Variants in GRIN1 observed in about 807,000 individuals in gnomAD.
GRIN1 encodes glutamate ionotropic receptor NMDA type subunit 1, also known as glutamate receptor ionotropic, NMDA 1.
GRIN1 carries 38 observed loss-of-function variants against 103.0 expected under a neutral mutation model. The observed-to-expected ratio is 0.37, with a 90% CI of 0.28 to 0.48. The LOEUF is 0.48. GRIN1 is among the 20% of genes least tolerant of loss of function. The pLI, the probability that GRIN1 is intolerant of heterozygous loss-of-function variation, is 0.98. For synonymous variants in GRIN1, 544 were observed against 532.7 expected, an observed-to-expected ratio of 1.02 and a Z score of -0.29; for missense variants, 577 against 1,288.9, an observed-to-expected ratio of 0.45 and a Z score of 8.46.
chr9:137,140,060 G>A (rs1425979090), intron 1 of GRIN1, among the ~76,000 whole-genome samples: 1 of 152,162 alleles, frequency 6.6e-6, no homozygotes, highest in African/African-American at 2.4e-5. Context: ...TTCCGGGTAA[G>A]AGAGTAGAAG....
chr9:137,144,560 C>G (rs1322362658), intron 2 of GRIN1, among the ~76,000 whole-genome samples: 2 of 151,398 alleles, frequency 1.3e-5, no homozygotes, highest in African/African-American at 4.9e-5. Context: ...GAGGCTGAGG[C>G]AGGAGAATGG....
intron 2 of GRIN1, among the ~76,000 whole-genome samples, chr9:137,142,883 G>A (rs1040006023): frequency 6.6e-6 from 1 of 152,218 alleles, no homozygotes; most frequent in African/African-American, 2.4e-5. Context: ...AGACCCTCCT[G>A]GCCCACAGGC....
rs1803713194 is a variant in GRIN1 at position 137,168,437 on chromosome 9, CCCT to C, written c.*915_*917del. The C allele has an allele frequency of 5.3e-6, 1 of 187,446 alleles. No homozygotes were observed. Among genetic ancestry groups the C allele is most frequent in the African/African-American group, 2.4e-5 (1 of 42,266 alleles). 11.6% of individuals were successfully genotyped at this position (187,446 alleles called of 1,614,324 possible). On this transcript the variant is annotated 3_prime_UTR_variant, in exon 20 of 20. Coordinates refer to ENST00000371561, the MANE Select transcript of GRIN1 (RefSeq NM_007327.4). The stretch of plus-strand genomic sequence containing the variant: ...TCCTCCAGACTCGAGAGGGCTGAGC[CCCT>C]CCTCTCCTCGTCCGGCCTGCAGCCC...
chr9:137,156,715 A>G lies in GRIN1; in HGVS notation c.718A>G (p.Met240Val). The G allele has an allele frequency of 6.3e-7, 1 of 1,594,144 alleles. No homozygotes were observed. The highest frequency in any genetic ancestry group is 8.5e-7 in the Non-Finnish European group (1 of 1,171,386). ...ATACCGCGCAGCCGCGATGCTGAAC[A>G]TGACGGGCTCCGGGTACGTGTGGCT... ...TVYRAAAMLN[M>V]TGSGYVWLVG... The change falls in exon 5 of 20, where the codon ATG (methionine) becomes GTG (valine). Residue 240 changes from methionine to valine, a missense_variant. Coordinates refer to ENST00000371561, the MANE Select transcript of GRIN1 (RefSeq NM_007327.4).
intron 6 of GRIN1, 54 bp downstream of exon 6, chr9:137,157,091 G>A: frequency 6.8e-7 from 1 of 1,471,198 alleles, no homozygotes; most frequent in Non-Finnish European, 9.3e-7. Context: ...AGGTGGGCGG[G>A]GTCACTCCAG....
rs1183383915 is a variant in GRIN1, at chr9:137,156,754, G to A, written c.757G>A (p.Glu253Lys). 1.3e-6 allele frequency: 2 copies of A among 1,587,818 alleles called. No homozygotes were observed. The highest frequency in any genetic ancestry group is 2.3e-5 in the East Asian group (1 of 43,164). Reference sequence around the variant, plus strand: ...GTACGTGTGGCTGGTCGGCGAGCGCGAGATCTCGGGGAACGCCCTGCGCTA... The same window carrying A: ...GTACGTGTGGCTGGTCGGCGAGCGCAAGATCTCGGGGAACGCCCTGCGCTA... Reference protein sequence around the residue: ...SGYVWLVGEREISGNALRYAP... With the variant: ...SGYVWLVGERKISGNALRYAP... The change falls in exon 5 of 20, where the codon GAG becomes AAG. Residue 253 changes from glutamate (E) to lysine (K), a missense_variant. Around this residue, in one of 9 missense-constraint regions of GRIN1, gnomAD observed 308 missense variants for 553.6 expected, o/e 0.56. Coordinates refer to ENST00000371561, the MANE Select transcript of GRIN1 (RefSeq NM_007327.4).
rs772767449 is a variant in GRIN1, at chr9:137,162,572, G to GC, written c.1865-13dup. On this transcript the variant is annotated intron_variant, in intron 13 of 19. Coordinates refer to ENST00000371561, the MANE Select transcript of GRIN1 (RefSeq NM_007327.4). ...CCTCGGCCCTCTAGGGTCTGACAGAGCCCCCCGCCCGCCCACAGGCGCCCC... is the reference window on the plus strand; with the variant it reads ...CCTCGGCCCTCTAGGGTCTGACAGAGCCCCCCCGCCCGCCCACAGGCGCCCC... 1.9e-6 allele frequency: 3 copies of GC among 1,611,210 alleles called. No individual in the cohort carries two copies. Among genetic ancestry groups the GC allele is most frequent in the Admixed American group, 1.7e-5 (1 of 59,930 alleles).
At chr9:137,163,713 G>A (rs1464506485) in intron 17 of GRIN1, 45 bp downstream of exon 17, 1 of 1,613,376 alleles carries the variant, frequency 6.2e-7, no homozygotes, top group Admixed American at 1.7e-5. Context: ...TCCGTGGGCT[G>A]CGGCCTCCCT....
At position 137,161,172 on chromosome 9, in the gene GRIN1, G is replaced by C; in HGVS notation, c.1314G>C (p.Gly438=). 1 of 1,611,832 alleles carries C rather than the reference G, an allele frequency of 6.2e-7. No individual in the cohort carries two copies. Among genetic ancestry groups the C allele is most frequent in the South Asian group, 1.1e-5 (1 of 91,032 alleles). ...CAGTCAAGAAGGTGATCTGCACCGG[G>C]CCCAACGACACGTCGCCGGGCAGCC... ...GDPVKKVICT[G]PNDTSPGSPR... Residue 438 remains glycine, a synonymous_variant, in exon 9 of 20, where the codon GGG becomes GGC. Coordinates refer to ENST00000371561, the MANE Select transcript of GRIN1 (RefSeq NM_007327.4).
chr9:137,158,297 G>T (rs2081017921), intron 6 of GRIN1, 82 bp from the exon 7 acceptor site: 3 of 1,472,150 alleles, frequency 2.0e-6, no homozygotes. Flanking sequence ...GAAGGAGCAG[G>T]GAGAAGCAGC....
chr9:137,142,366 T>G (rs546309527), intron 2 of GRIN1, among the ~76,000 whole-genome samples: 1 of 152,180 alleles, frequency 6.6e-6, no homozygotes, highest in African/African-American at 2.4e-5. Flanking sequence ...ACACACACAA[T>G]ACACACTCTC....
In GRIN1 at chr9:137,139,527, C is replaced by T; in HGVS notation, c.41C>T (p.Ser14Phe). ...MRLLTLALLF[S>F]CSVARAACDP... ...CTGCTGACGCTCGCCCTGCTGTTCT[C>T]CTGCTCCGTCGCCCGTGCCGCGTGC... The change falls in exon 1 of 20, where the codon TCC becomes TTC. Residue 14 changes from serine to phenylalanine, a missense_variant. Coordinates refer to ENST00000371561, the MANE Select transcript of GRIN1 (RefSeq NM_007327.4). This position sits in a 1 kb window ranked among gnomAD's most constrained non-coding sequence, Gnocchi z 7.7. 1.9e-6 allele frequency: 3 copies of T among 1,609,190 alleles called. No individual in the cohort carries two copies. The highest frequency in any genetic ancestry group is 2.5e-6 in the Non-Finnish European group (3 of 1,178,558).
In GRIN1 at chr9:137,149,566, T is replaced by C. The variant is rs1486200937; in HGVS notation, c.671+457T>C. Among the ~76,000 whole-genome samples the C allele has an allele frequency of 4.6e-5, 7 of 152,302 alleles. No individual in the cohort carries two copies. The South Asian group carries it at 1.0e-3, about 23-fold the overall frequency. ...TGAAGGATTGCAACAGCTGCAGCAG[T>C]AGCTTAGGGGGAAATCAGTTAGGTA... On this transcript the variant is annotated intron_variant, in intron 4 of 19. Coordinates refer to ENST00000371561, the MANE Select transcript of GRIN1 (RefSeq NM_007327.4).
At chr9:137,159,412 A>C (rs1042098508) in intron 8 of GRIN1, among the ~76,000 whole-genome samples, 1 of 151,970 alleles carries the variant, frequency 6.6e-6, no homozygotes, top group Non-Finnish European at 1.5e-5. Flanking sequence ...TTCTGAGCCC[A>C]CCCCTGAAGC....
At chr9:137,160,931 G>C in intron 8 of GRIN1, 125 bp from the exon 9 acceptor site, 1 of 1,222,752 alleles carries the variant, frequency 8.2e-7, no homozygotes, top group Non-Finnish European at 1.2e-6. Flanking sequence ...GGCGCAGGGC[G>C]GGGGGTGTGA....
At chr9:137,159,186 G>A (rs564875273) in intron 8 of GRIN1, among the ~76,000 whole-genome samples, 3 of 152,156 alleles carry the variant, frequency 2.0e-5, no homozygotes, top group South Asian at 2.1e-4. Context: ...TGCCCTCGCC[G>A]GCTTCCTCCT....
chr9:137,150,405 TCCCAGGGAAAGCCCCA>T (rs1320275290), intron 4 of GRIN1, among the ~76,000 whole-genome samples: 13 of 93,582 alleles, frequency 1.4e-4, no homozygotes, highest in Admixed American at 1.0e-3. Flanking sequence ...AAAAAGGTCC[TCCCAGGGAAAGCCCCA>T]CCCAGGGAAA....
rs565854243 is a variant in GRIN1, at chr9:137,160,728, CG to C, written c.1198-324del. On this transcript the variant is annotated intron_variant, in intron 8 of 19. Coordinates refer to ENST00000371561, the MANE Select transcript of GRIN1 (RefSeq NM_007327.4). ...TACAGGCGTGAGCCACAGCACCTGGCGGGGAATCATGTCTAAGCCAAGACTG... is the reference window on the plus strand; with the variant it reads ...TACAGGCGTGAGCCACAGCACCTGGCGGGAATCATGTCTAAGCCAAGACTG... Among the ~76,000 whole-genome samples, 287 of 152,324 alleles carry C rather than the reference CG, an allele frequency of 1.9e-3. 1 individual carries two copies. The highest frequency in any genetic ancestry group is 6.5e-3 in the African/African-American group (271 of 41,576).
chr9:137,151,691 A>T (rs1227651704), intron 4 of GRIN1, among the ~76,000 whole-genome samples: 1 of 152,130 alleles, frequency 6.6e-6, no homozygotes, highest in Non-Finnish European at 1.5e-5. Flanking sequence ...TTTGAGAGGG[A>T]GTCTTGCTTT....
Sources: allele counts gnomAD v4.1 joint callset (sites outside exome capture counted in the v4.1 genomes callset), GRCh38; gene constraint gnomAD v4.1.1; regional missense constraint gnomAD v4.1.1; non-coding constraint Gnocchi (gnomAD v3.1); transcripts MANE v1.5; gene names NCBI Gene and HGNC (gene_info 2026-07-23, HGNC 2026-07-21).